DSG2: variants seen among roughly 807,000 people sequenced by gnomAD.
DSG2 encodes the protein desmoglein-2.
A neutral mutation model predicts 75.6 loss-of-function variants in DSG2; 45 were observed. The ratio of observed to expected loss-of-function variants is 0.60; its 90% CI spans 0.47 to 0.76. DSG2 has a LOEUF of 0.76. Ranked by LOEUF, DSG2 falls within the 30% of genes least tolerant of loss-of-function variation. DSG2 has a pLI of 0.00. For missense variants in DSG2, 1,267 were observed against 1,357.4 expected (o/e 0.93, Z 1.05); for synonymous variants, 429 against 483.9 (o/e 0.89, Z 1.49).
rs777642924 is a variant in DSG2 at position 31,545,854 on chromosome 18, A to G, written c.2468A>G (p.Asp823Gly). 6.2e-6 allele frequency: 10 copies of G among 1,614,036 alleles called. No homozygotes were observed. The highest frequency in any genetic ancestry group is 1.3e-5 in the African/African-American group (1 of 74,922). The change falls in exon 15 of 15, where the codon GAC (aspartate) becomes GGC (glycine). Residue 823 changes from aspartate (D) to glycine (G), a missense_variant. By Grantham distance (94) the Asp-to-Gly change is moderately conservative (BLOSUM62 -1). Coordinates refer to ENST00000261590, the MANE Select transcript of DSG2 (RefSeq NM_001943.5). ...CCSFIEGELD[D>G]RFLDDLGLKF... ...AGTTTTATTGAAGGAGAGCTAGATG[A>G]CCGCTTCTTAGATGATTTGGGACTT...
intron 2 of DSG2, 120 bp from the exon 3 acceptor site, chr18:31,519,683 G>A (rs988515885): frequency 1.5e-5 from 16 of 1,051,014 alleles, no homozygotes; most frequent in Non-Finnish European, 2.1e-5. Context: ...AGCCTCATAG[G>A]AAATACGAAG....
chr18:31,518,613 T>G (rs1238808075), intron 2 of DSG2, among the ~76,000 whole-genome samples: 1 of 152,186 alleles, frequency 6.6e-6, no homozygotes, highest in Non-Finnish European at 1.5e-5. Flanking sequence ...TATGTGCAAC[T>G]GTATAGTTAT....
intron 1 of DSG2, among the ~76,000 whole-genome samples, chr18:31,510,562 T>C (rs1003352852): frequency 1.3e-5 from 2 of 151,956 alleles, no homozygotes; most frequent in Admixed American, 1.3e-4. Flanking sequence ...TGATTGATGG[T>C]GTTTGGTATT....
At chr18:31,535,981 A>G (rs939999405) in intron 10 of DSG2, among the ~76,000 whole-genome samples, 33 of 152,184 alleles carry the variant, frequency 2.2e-4, no homozygotes, top group African/African-American at 8.0e-4. Flanking sequence ...TTTTAGTAAG[A>G]TGAAATAAGC....
intron 1 of DSG2, among the ~76,000 whole-genome samples, chr18:31,509,023 T>G (rs1193433571): frequency 1.3e-5 from 2 of 151,862 alleles, no homozygotes; most frequent in African/African-American, 4.8e-5. Flanking sequence ...ACTGTTAACA[T>G]CCCAATTAGA....
At chr18:31,522,822 A>G (rs1398606003) in intron 6 of DSG2, among the ~76,000 whole-genome samples, 1 of 152,210 alleles carries the variant, frequency 6.6e-6, no homozygotes, top group East Asian at 1.9e-4. Flanking sequence ...TAGGAATCCT[A>G]GTTAGAGAAT....
Position 31,498,228 on chromosome 18 carries a change from G to C in DSG2, c.-24G>C, listed in dbSNP as rs2072993622. 8.0e-7 allele frequency: 1 copy of C among 1,250,746 alleles called. No homozygotes were observed. The highest frequency in any genetic ancestry group is 1.6e-5 in the African/African-American group (1 of 64,182). 77.5% of individuals were successfully genotyped at this position (1,250,746 alleles called of 1,614,324 possible). On this transcript the variant is annotated 5_prime_UTR_variant, in exon 1 of 15. Coordinates refer to ENST00000261590, the MANE Select transcript of DSG2 (RefSeq NM_001943.5). The stretch of plus-strand genomic sequence containing the variant: ...GGCGGCGGCGCGGAGCGGTGCGGCG[G>C]CGGGAGGCGGAGGCGAGGGTGCGAT...
Position 31,531,172 on chromosome 18 carries a change from C to T in DSG2, c.1200C>T (p.Ser400=). ...TCATCTCAATTTATGTTAGCGAGAG[C>T]ATGGATAGATCAAGCAAAGGCCAAA... ...SSVISIYVSE[S]MDRSSKGQII... The change falls in exon 9 of 15, where the codon AGC becomes AGT. Residue 400 remains serine (S), a synonymous_variant. Transcript: ENST00000261590. 1 of 1,614,104 alleles carries T rather than the reference C, an allele frequency of 6.2e-7. No individual in the cohort carries two copies. The highest frequency in any genetic ancestry group is 8.5e-7 in the Non-Finnish European group (1 of 1,180,004).
At chr18:31,518,408 A>G in intron 2 of DSG2, 134 bp downstream of exon 2, 1 of 771,652 alleles carries the variant, frequency 1.3e-6, no homozygotes, top group Non-Finnish European at 2.3e-6. Flanking sequence ...AAACAAGTGC[A>G]GAGGAGCTTA....
At chr18:31,544,870 G>A (rs965320241) in intron 14 of DSG2, among the ~76,000 whole-genome samples, 3 of 152,200 alleles carry the variant, frequency 2.0e-5, no homozygotes, top group African/African-American at 4.8e-5. Context: ...GGGCCCTAGA[G>A]AGGAGTAAGG....
In DSG2 at chr18:31,542,586, A is replaced by G. The variant is rs1453554024; in HGVS notation, c.2068A>G (p.Met690Val). Residue 690 changes from methionine to valine, a missense_variant, in exon 14 of 15, where the codon ATG (methionine) becomes GTG (valine). Coordinates refer to ENST00000261590, the MANE Select transcript of DSG2 (RefSeq NM_001943.5). ...SLVGRNGVGG[M>V]AKEATMKGSS... ...AGTAGGAAGAAATGGAGTAGGAGGT[A>G]TGGCCAAGGAAGCCACGATGAAAGG... The G allele has an allele frequency of 1.2e-6, 2 of 1,614,034 alleles. No individual in the cohort carries two copies. Among genetic ancestry groups the G allele is most frequent in the African/African-American group, 2.7e-5 (2 of 74,912 alleles).
intron 1 of DSG2, among the ~76,000 whole-genome samples, chr18:31,498,540 T>C (rs2072996957): frequency 6.6e-6 from 1 of 152,072 alleles, no homozygotes; most frequent in Admixed American, 6.5e-5. Flanking sequence ...GTGTTTTCCT[T>C]CCCGCGTCAC....
In DSG2 at chr18:31,545,894, A is replaced by G. The variant is rs750687442; in HGVS notation, c.2508A>G (p.Leu836=). 6.2e-7 allele frequency: 1 copy of G among 1,614,200 alleles called. No homozygotes were observed. Among genetic ancestry groups the G allele is most frequent in the South Asian group, 1.1e-5 (1 of 91,082 alleles). Residue 836 remains leucine, a synonymous_variant, in exon 15 of 15, where the codon CTA becomes CTG. Coordinates refer to ENST00000261590, the MANE Select transcript of DSG2 (RefSeq NM_001943.5). ...LDDLGLKFKT[L]AEVCLGQKID... is the part of the protein sequence containing the mutation. ...ATTTGGGACTTAAATTCAAGACACTAGCTGAAGTTTGCCTGGGTCAAAAAA... is the reference window on the plus strand; with the variant it reads ...ATTTGGGACTTAAATTCAAGACACTGGCTGAAGTTTGCCTGGGTCAAAAAA...
chr18:31,521,686 T>C (rs1247295068), intron 5 of DSG2, among the ~76,000 whole-genome samples: 1 of 152,226 alleles, frequency 6.6e-6, no homozygotes, highest in Admixed American at 6.5e-5. Flanking sequence ...GTGCTCTTCA[T>C]GAGGACCCGA....
intron 1 of DSG2, among the ~76,000 whole-genome samples, chr18:31,505,711 G>A (rs1177432745): frequency 6.7e-6 from 1 of 149,316 alleles, no homozygotes; most frequent in East Asian, 2.0e-4. Flanking sequence ...CACCAGGCTG[G>A]AGTGCAGTGG....
At chr18:31,503,053 G>A (rs10502571) in intron 1 of DSG2, among the ~76,000 whole-genome samples, 13,386 of 152,168 alleles carry the variant, frequency 0.088, 1,493 homozygotes, top group African/African-American at 0.26. Flanking sequence ...AATTCCTACC[G>A]TGGTCGATAG....
chr18:31,511,566 A>C (rs992226892), intron 1 of DSG2, among the ~76,000 whole-genome samples: 2 of 152,224 alleles, frequency 1.3e-5, no homozygotes, highest in African/African-American at 2.4e-5. Flanking sequence ...ATGTTAGTGC[A>C]GTTCTTTTTT....
chr18:31,518,557 G>GT (rs1168887179), intron 2 of DSG2, among the ~76,000 whole-genome samples: 1 of 152,136 alleles, frequency 6.6e-6, no homozygotes, highest in African/African-American at 2.4e-5. Context: ...GATATATAGT[G>GT]TAAGTCCATT....
chr18:31,512,314 CT>C (rs2073071712), intron 1 of DSG2, among the ~76,000 whole-genome samples: 1 of 152,184 alleles, frequency 6.6e-6, no homozygotes, highest in Non-Finnish European at 1.5e-5. Flanking sequence ...TATATTTGCC[CT>C]CATTCATTCC....
Sources: allele counts gnomAD v4.1 joint callset (sites outside exome capture counted in the v4.1 genomes callset), GRCh38; gene constraint gnomAD v4.1.1; transcripts MANE v1.5; gene names NCBI Gene and HGNC (gene_info 2026-07-23, HGNC 2026-07-21).